Variants in FRMD4A observed in about 807,000 individuals in gnomAD.
FRMD4A encodes the protein FERM domain-containing protein 4A.
Under a neutral mutation model 129.1 loss-of-function variants are expected in FRMD4A, and 29 were observed. The ratio of observed to expected loss-of-function variants is 0.22; its 90% CI spans 0.17 to 0.31. FRMD4A has a LOEUF of 0.31. Among genes scored for constraint, FRMD4A ranks in the 10% least tolerant of loss-of-function variants. The pLI, the probability that FRMD4A is intolerant of heterozygous loss-of-function variation, is 1.00. For missense variants in FRMD4A, 1,272 were observed against 1,375.8 expected (o/e 0.92, Z 1.19); for synonymous variants, 634 against 571.6 (o/e 1.11, Z -1.56).
chr10:13,847,138 A>G (rs1186782889), intron 3 of FRMD4A, among the ~76,000 whole-genome samples: 2 of 152,198 alleles, frequency 1.3e-5, no homozygotes, highest in Non-Finnish European at 2.9e-5. Context: ...GTGCAAGAAC[A>G]AGATGACCCG....
At chr10:13,890,587 A>G in intron 2 of FRMD4A, 1 of 985,238 alleles carries the variant, frequency 1.0e-6, no homozygotes. Flanking sequence ...AGACTTAGAA[A>G]TGTGCCTGTC....
chr10:13,996,079 G>T (rs2095621568), intron 2 of FRMD4A, among the ~76,000 whole-genome samples: 1 of 152,144 alleles, frequency 6.6e-6, no homozygotes, highest in Admixed American at 6.5e-5. Context: ...TCACTTTCTG[G>T]CTTACAAGCA....
chr10:14,163,978 C>T (rs1431371685), intron 2 of FRMD4A, among the ~76,000 whole-genome samples: 1 of 152,166 alleles, frequency 6.6e-6, no homozygotes, highest in Non-Finnish European at 1.5e-5. Flanking sequence ...GGCTACCCAG[C>T]GCCCTGTGAT....
rs78742733 is a variant in FRMD4A at position 14,245,242 on chromosome 10, T to A, written c.45+84816A>T. ...GGAGGACATGGGTCACAGGTCAGCATGGGAGGAGAGCATAGGCACCGGCCT... is the reference window on the plus strand; with the variant it reads ...GGAGGACATGGGTCACAGGTCAGCAAGGGAGGAGAGCATAGGCACCGGCCT... On this transcript the variant is annotated intron_variant, in intron 2 of 24. Transcript: ENST00000357447. Among the ~76,000 whole-genome samples, 694 of 152,256 alleles carry A rather than the reference T, an allele frequency of 4.6e-3. 13 individuals carry two copies. The South Asian group carries it at 0.055, about 12-fold the overall frequency.
At chr10:14,292,584 G>A (rs1318759342) in intron 2 of FRMD4A, among the ~76,000 whole-genome samples, 1 of 152,344 alleles carries the variant, frequency 6.6e-6, no homozygotes, top group East Asian at 1.9e-4. Context: ...TGGATCATGA[G>A]GTCAGGAGAT....
At chr10:14,057,014 G>GA (rs1350604745) in intron 2 of FRMD4A, among the ~76,000 whole-genome samples, 1 of 152,160 alleles carries the variant, frequency 6.6e-6, no homozygotes, top group African/African-American at 2.4e-5. Context: ...CTTGAAGCCT[G>GA]AGTCAGTGGC....
At chr10:13,784,426 C>G (rs772294957) in intron 5 of FRMD4A, among the ~76,000 whole-genome samples, 1 of 152,192 alleles carries the variant, frequency 6.6e-6, no homozygotes, top group African/African-American at 2.4e-5. Flanking sequence ...AGACCAACAT[C>G]GTATAAGGTG....
intron 18 of FRMD4A, among the ~76,000 whole-genome samples, chr10:13,665,192 T>C (rs2082924039): frequency 6.6e-6 from 1 of 152,072 alleles, no homozygotes; most frequent in Admixed American, 6.6e-5. Context: ...TATTTTTAAG[T>C]GTACAGTTCA....
intron 15 of FRMD4A, among the ~76,000 whole-genome samples, chr10:13,679,126 A>C (rs113695751): frequency 3.9e-5 from 6 of 151,988 alleles, no homozygotes; most frequent in African/African-American, 1.4e-4. Flanking sequence ...CACTTTTAAA[A>C]AACACATAGT....
intron 2 of FRMD4A, among the ~76,000 whole-genome samples, chr10:14,329,638 A>G (rs1262600747): frequency 6.6e-6 from 1 of 152,160 alleles, no homozygotes; most frequent in East Asian, 1.9e-4. Flanking sequence ...GCCTAGAAAG[A>G]AGACCCCATT....
At chr10:13,717,776 A>G (rs1426500623) in intron 12 of FRMD4A, among the ~76,000 whole-genome samples, 2 of 145,950 alleles carry the variant, frequency 1.4e-5, no homozygotes, top group Non-Finnish European at 3.0e-5. Context: ...CTATCCAGAG[A>G]CGTGGCATCA....
chr10:13,691,203 G>T (rs1335712394), intron 15 of FRMD4A, among the ~76,000 whole-genome samples: 1 of 152,220 alleles, frequency 6.6e-6, no homozygotes, highest in Non-Finnish European at 1.5e-5. Context: ...AGCCAGGCTG[G>T]TCTCTAACTC....
intron 2 of FRMD4A, among the ~76,000 whole-genome samples, chr10:14,256,264 A>G (rs886718620): frequency 6.6e-6 from 1 of 152,122 alleles, no homozygotes; most frequent in Middle Eastern, 3.2e-3. Context: ...AAAACTATAA[A>G]GCTTTAATGA....
At chr10:14,036,847 A>T (rs1327094472) in intron 2 of FRMD4A, among the ~76,000 whole-genome samples, 2 of 152,136 alleles carry the variant, frequency 1.3e-5, no homozygotes, top group African/African-American at 2.4e-5. Context: ...CAGCCTCCCA[A>T]AGTGGCAAGA....
At chr10:13,762,316 C>T (rs2092106731) in intron 7 of FRMD4A, among the ~76,000 whole-genome samples, 1 of 152,164 alleles carries the variant, frequency 6.6e-6, no homozygotes, top group African/African-American at 2.4e-5. Flanking sequence ...TGGCTTTCTC[C>T]AGGGTGGAGG....
At chr10:13,809,445 T>G (rs2093409422) in intron 4 of FRMD4A, among the ~76,000 whole-genome samples, 1 of 152,220 alleles carries the variant, frequency 6.6e-6, no homozygotes, top group Non-Finnish European at 1.5e-5. Flanking sequence ...ACAGTGATTC[T>G]CAGGAGAAAG....
At chr10:14,278,591 T>C (rs971344284) in intron 2 of FRMD4A, among the ~76,000 whole-genome samples, 1 of 152,238 alleles carries the variant, frequency 6.6e-6, no homozygotes, top group Non-Finnish European at 1.5e-5. Flanking sequence ...CAGACTGCAC[T>C]TTCTTAACAG....
intron 2 of FRMD4A, among the ~76,000 whole-genome samples, chr10:14,185,702 T>C (rs1057508966): frequency 6.6e-6 from 1 of 152,114 alleles, no homozygotes; most frequent in Non-Finnish European, 1.5e-5. Flanking sequence ...AGCTCAACAG[T>C]GGCACCTTCA....
intron 6 of FRMD4A, among the ~76,000 whole-genome samples, chr10:13,765,101 ATTTTT>A (rs10708906): frequency 8.0e-6 from 1 of 125,276 alleles, no homozygotes; most frequent in Admixed American, 8.9e-5. Flanking sequence ...TCAAGGATTG[ATTTTT>A]TTTTTTTGTT....
Sources: allele counts gnomAD v4.1 joint callset (sites outside exome capture counted in the v4.1 genomes callset), GRCh38; gene constraint gnomAD v4.1.1; transcripts MANE v1.5; gene names NCBI Gene and HGNC (gene_info 2026-07-23, HGNC 2026-07-21).